Variants in PRKCB observed in about 807,000 individuals in gnomAD.
PRKCB encodes the protein protein kinase C beta.
A neutral mutation model predicts 81.5 loss-of-function variants in PRKCB; 13 were observed. The ratio of observed to expected loss-of-function variants is 0.16; its 90% CI spans 0.10 to 0.25. The LOEUF is 0.25. PRKCB is among the 10% of genes least tolerant of loss of function. The probability of loss-of-function intolerance (pLI) is 1.00; values close to 1 mark genes in which losing one functional copy is unlikely to be tolerated. For synonymous variants in PRKCB, 335 were observed against 321.4 expected, an observed-to-expected ratio of 1.04 and a Z score of -0.45; for missense variants, 509 against 875.7, an observed-to-expected ratio of 0.58 and a Z score of 5.29.
At chr16:24,021,085 T>TTCTTTCTTTCTTTCTTTC (rs755362261) in intron 3 of PRKCB, among the ~76,000 whole-genome samples, 56 of 130,242 alleles carry the variant, frequency 4.3e-4, no homozygotes, top group African/African-American at 7.0e-4. Context: ...CTTTCTTTCT[T>TTCTTTCTTTCTTTCTTTC]TCTTTTTTTC....
Position 23,970,159 on chromosome 16 carries a change from G to GA in PRKCB, c.206-18348dup, listed in dbSNP as rs1468502089. On this transcript the variant is annotated intron_variant, in intron 2 of 16. Coordinates refer to ENST00000643927, the MANE Select transcript of PRKCB (RefSeq NM_002738.7). ...AAACGTGACAAGAAGGCTGAGTTAAGAGACTGCAGGCAGCTTGTGTGTTTG... is the reference window on the plus strand; with the variant it reads ...AAACGTGACAAGAAGGCTGAGTTAAGAAGACTGCAGGCAGCTTGTGTGTTTG... Among the ~76,000 whole-genome samples, 6 of 152,372 alleles carry GA rather than the reference G, an allele frequency of 3.9e-5. No homozygotes were observed. The East Asian group carries it at 1.2e-3, about 29-fold the overall frequency.
intron 5 of PRKCB, among the ~76,000 whole-genome samples, chr16:24,077,379 C>T (rs983954762): frequency 1.3e-5 from 2 of 151,888 alleles, no homozygotes; most frequent in Non-Finnish European, 2.9e-5. Flanking sequence ...ATCCATCCAT[C>T]CACCCATGCA....
At chr16:24,062,582 A>C (rs1480738125) in intron 5 of PRKCB, among the ~76,000 whole-genome samples, 2 of 152,154 alleles carry the variant, frequency 1.3e-5, no homozygotes, top group East Asian at 3.9e-4. Context: ...ATAGCTAATA[A>C]ACTGAGAACC....
At chr16:24,168,227 A>AAGCCCAAAATTAGATTAAAT (rs1294483788) in intron 10 of PRKCB, among the ~76,000 whole-genome samples, 1 of 152,206 alleles carries the variant, frequency 6.6e-6, no homozygotes, top group African/African-American at 2.4e-5. Context: ...GGTGAAGAGA[A>AAGCCCAAAATTAGATTAAAT]AGCCCAAAAT....
intron 3 of PRKCB, among the ~76,000 whole-genome samples, chr16:24,008,072 A>G (rs1381843749): frequency 1.3e-5 from 2 of 152,166 alleles, no homozygotes; most frequent in Non-Finnish European, 2.9e-5. Context: ...TACATATAAT[A>G]ATTCTTCATT....
intron 5 of PRKCB, among the ~76,000 whole-genome samples, chr16:24,067,389 T>A (rs560135902): frequency 6.6e-6 from 1 of 152,116 alleles, no homozygotes; most frequent in East Asian, 1.9e-4. Context: ...AGCCTCTACC[T>A]CCTGGGCTCA....
chr16:24,042,648 A>C (rs1364396281), intron 5 of PRKCB, among the ~76,000 whole-genome samples: 1 of 151,748 alleles, frequency 6.6e-6, no homozygotes, highest in Non-Finnish European at 1.5e-5. Flanking sequence ...ACACTTCAGC[A>C]TGCCCAACAT....
In PRKCB at chr16:23,874,087, C is replaced by T. The variant is rs765053081; in HGVS notation, c.205+36681C>T. On this transcript the variant is annotated intron_variant, in intron 2 of 16. Coordinates refer to ENST00000643927, the MANE Select transcript of PRKCB (RefSeq NM_002738.7). The stretch of plus-strand genomic sequence containing the variant: ...TATAAAAAATACACACCTACACCCA[C>T]GTACACATGTATTTACTAAAATAGT... Among the ~76,000 whole-genome samples, 7 of 152,330 alleles carry T rather than the reference C, an allele frequency of 4.6e-5. No homozygotes were observed. The South Asian group carries it at 6.2e-4, about 14-fold the overall frequency.
At chr16:24,104,343 C>T (rs1402995598) in intron 7 of PRKCB, among the ~76,000 whole-genome samples, 1 of 152,150 alleles carries the variant, frequency 6.6e-6, no homozygotes, top group Non-Finnish European at 1.5e-5. Context: ...TACTTTGTTG[C>T]TGGCATTCAT....
intron 6 of PRKCB, 93 bp from the exon 7 acceptor site, chr16:24,094,070 C>G (rs1030294650): frequency 4.4e-5 from 61 of 1,391,854 alleles, no homozygotes; most frequent in Non-Finnish European, 5.8e-5. Flanking sequence ...ATCTTTAAAA[C>G]TTTCTACCTC....
At chr16:24,077,791 C>T (rs1363677729) in intron 5 of PRKCB, among the ~76,000 whole-genome samples, 1 of 152,168 alleles carries the variant, frequency 6.6e-6, no homozygotes, top group African/African-American at 2.4e-5. Context: ...AGCCCTTTTC[C>T]CTGACTGTCT....
At chr16:24,084,345 C>T (rs550678422) in intron 5 of PRKCB, among the ~76,000 whole-genome samples, 2 of 151,982 alleles carry the variant, frequency 1.3e-5, no homozygotes, top group African/African-American at 4.8e-5. Context: ...TAAGTAAAGT[C>T]TGGGGACAAA....
intron 8 of PRKCB, among the ~76,000 whole-genome samples, chr16:24,114,235 C>G (rs1190882376): frequency 7.1e-6 from 1 of 140,716 alleles, no homozygotes; most frequent in African/African-American, 2.6e-5. Context: ...TCTCGGCTCA[C>G]TGCAGCCTGG....
Position 24,180,783 on chromosome 16 carries a change from G to T in PRKCB, c.1395-7G>T, listed in dbSNP as rs1272873649. 1.9e-6 allele frequency: 3 copies of T among 1,613,356 alleles called. No individual in the cohort carries two copies. The highest frequency in any genetic ancestry group is 2.5e-6 in the Non-Finnish European group (3 of 1,179,600). On this transcript the variant is annotated splice_region_variant and splice_polypyrimidine_tract_variant and intron_variant, in intron 12 of 16. Coordinates refer to ENST00000643927, the MANE Select transcript of PRKCB (RefSeq NM_002738.7). ...ATTAAATCTCTAAATTCTTGTGTCTGCCATAGTGACCTAAAACTTGACAAC... is the reference window on the plus strand; with the variant it reads ...ATTAAATCTCTAAATTCTTGTGTCTTCCATAGTGACCTAAAACTTGACAAC...
At chr16:24,123,783 C>G in intron 8 of PRKCB, 52 bp from the exon 9 acceptor site, 1 of 1,593,674 alleles carries the variant, frequency 6.3e-7, no homozygotes, top group Non-Finnish European at 8.6e-7. Flanking sequence ...TGCCTTCCTA[C>G]AAGATCGTCC....
intron 3 of PRKCB, among the ~76,000 whole-genome samples, chr16:24,022,189 C>T (rs954265695): frequency 2.0e-5 from 3 of 152,046 alleles, no homozygotes; most frequent in African/African-American, 7.2e-5. Flanking sequence ...CAGACAAACT[C>T]ACTCGGGAGT....
chr16:23,936,604 T>G (rs1027573466), intron 2 of PRKCB, among the ~76,000 whole-genome samples: 1 of 76,910 alleles, frequency 1.3e-5, no homozygotes, highest in Non-Finnish European at 2.8e-5. Context: ...TTTTTTTTTT[T>G]GCATTTTTGG....
chr16:24,194,749 T>G (rs1362001914), intron 16 of PRKCB, among the ~76,000 whole-genome samples: 1 of 152,202 alleles, frequency 6.6e-6, no homozygotes, highest in Non-Finnish European at 1.5e-5. Context: ...TTTGATATGA[T>G]TTCCCACTGA....
At chr16:24,097,366 A>G (rs929831160) in intron 7 of PRKCB, among the ~76,000 whole-genome samples, 3 of 151,924 alleles carry the variant, frequency 2.0e-5, no homozygotes, top group African/African-American at 4.8e-5. Flanking sequence ...ACATATATTG[A>G]GTGTCCACTA....
Sources: gnomAD v4.1 joint callset for allele counts (sites outside exome capture counted in the v4.1 genomes callset) on GRCh38, gnomAD v4.1.1 for gene constraint, MANE v1.5 for transcripts, NCBI Gene and HGNC (gene_info 2026-07-23, HGNC 2026-07-21) for gene names.